Variants in BRINP2 observed in about 807,000 individuals in gnomAD.
BRINP2 encodes BMP/retinoic acid-inducible neural-specific protein 2.
A neutral mutation model predicts 69.2 loss-of-function variants in BRINP2; 21 were observed. The observed-to-expected ratio is 0.30, with a 90% CI of 0.22 to 0.44. The LOEUF (loss-of-function observed/expected upper bound fraction) is 0.44. BRINP2 is among the 20% of genes least tolerant of loss of function. The probability of loss-of-function intolerance (pLI) is 1.00; values close to 1 mark genes in which losing one functional copy is unlikely to be tolerated. For synonymous variants in BRINP2, 380 were observed against 394.1 expected, an observed-to-expected ratio of 0.96 and a Z score of 0.42; for missense variants, 877 against 986.0, an observed-to-expected ratio of 0.89 and a Z score of 1.48.
Position 177,171,144 on chromosome 1 carries a change from G to A in BRINP2, c.-665G>A, listed in dbSNP as rs1027799166. 1.3e-5 allele frequency among the ~76,000 whole-genome samples: 2 copies of A among 152,232 alleles called. No individual in the cohort carries two copies. The highest frequency in any genetic ancestry group is 2.9e-5 in the Non-Finnish European group (2 of 68,042). ...GATGTGCACCTGCCGTGCGCTCCGA[G>A]GTCAGTGGCAGGTCTGCAGGCAGCC... On this transcript the variant is annotated 5_prime_UTR_variant, in exon 1 of 8. Transcript: ENST00000361539.
intron 2 of BRINP2, among the ~76,000 whole-genome samples, chr1:177,233,179 C>T (rs527415381): frequency 2.0e-5 from 3 of 152,272 alleles, no homozygotes; most frequent in Admixed American, 1.3e-4. Context: ...TCTCTAATCA[C>T]GGACCTCCAG....
chr1:177,183,598 C>T (rs1265594045), intron 1 of BRINP2, among the ~76,000 whole-genome samples: 1 of 152,274 alleles, frequency 6.6e-6, no homozygotes. Context: ...GACACAGACA[C>T]TGTGTTTTCA....
chr1:177,228,175 C>A (rs1649758071), intron 1 of BRINP2, among the ~76,000 whole-genome samples: 2 of 152,140 alleles, frequency 1.3e-5, no homozygotes, highest in Non-Finnish European at 1.5e-5. Flanking sequence ...AAGAGCTGTC[C>A]AGCACATGGG....
chr1:177,225,861 C>A (rs761658786), intron 1 of BRINP2, among the ~76,000 whole-genome samples: 4 of 152,228 alleles, frequency 2.6e-5, no homozygotes, highest in Non-Finnish European at 4.4e-5. Context: ...TGAGAAAAAT[C>A]AGTGAAGCGG....
At chr1:177,193,896 C>G (rs1246484748) in intron 1 of BRINP2, among the ~76,000 whole-genome samples, 2 of 152,118 alleles carry the variant, frequency 1.3e-5, no homozygotes, top group African/African-American at 4.8e-5. Context: ...CAAGAGGAAA[C>G]AAAACTTCAG....
chr1:177,229,942 G>A lies in BRINP2; in HGVS notation c.66G>A (p.Leu22=), dbSNP rs569033840. The part of the protein sequence containing the change: ...LRPAVAPWTA[L]LALGLPGWVL... The stretch of plus-strand genomic sequence containing the variant: ...CGGCGGTGGCCCCATGGACAGCCCT[G>A]CTGGCACTGGGCCTGCCTGGCTGGG... Residue 22 remains leucine (L), a synonymous_variant, in exon 2 of 8, where the codon CTG becomes CTA. Coordinates refer to ENST00000361539, the MANE Select transcript of BRINP2 (RefSeq NM_021165.4). 1.9e-6 allele frequency: 3 copies of A among 1,613,342 alleles called. No homozygotes were observed. The highest frequency in any genetic ancestry group is 2.2e-5 in the South Asian group (2 of 90,970).
At chr1:177,184,928 G>A (rs1648385505) in intron 1 of BRINP2, among the ~76,000 whole-genome samples, 1 of 152,012 alleles carries the variant, frequency 6.6e-6, no homozygotes, top group South Asian at 2.1e-4. Flanking sequence ...TGCACCTGGG[G>A]AGCTTATTAA....
Position 177,280,516 on chromosome 1 carries a change from A to G in BRINP2, c.1340A>G (p.Tyr447Cys), listed in dbSNP as rs752069766. The G allele has an allele frequency of 2.3e-5, 37 of 1,614,060 alleles. No homozygotes were observed. Among genetic ancestry groups the G allele is most frequent in the African/African-American group, 4.0e-5 (3 of 74,926 alleles). The part of the protein sequence containing the change: ...LEQSHSCTCP[Y>C]DQSSCQGPIP... Reference sequence around the variant, plus strand: ...CAGAGCCACAGCTGCACCTGCCCCTATGACCAATCTTCCTGCCAGGGCCCC... The same window carrying G: ...CAGAGCCACAGCTGCACCTGCCCCTGTGACCAATCTTCCTGCCAGGGCCCC... The change falls in exon 8 of 8, where the codon TAT becomes TGT. Residue 447 changes from tyrosine to cysteine, a missense_variant. Physicochemically the swap from Tyr to Cys is radical, Grantham distance 194. This residue lies in a region of BRINP2 where 566 missense variants were observed against 625.2 expected (regional missense o/e 0.91). Coordinates refer to ENST00000361539, the MANE Select transcript of BRINP2 (RefSeq NM_021165.4).
At chr1:177,212,700 A>C (rs967701400) in intron 1 of BRINP2, among the ~76,000 whole-genome samples, 1 of 152,208 alleles carries the variant, frequency 6.6e-6, no homozygotes, top group African/African-American at 2.4e-5. Context: ...AGAAGTCTGC[A>C]CATGTTACAA....
chr1:177,277,747 G>T (rs1342097090), intron 6 of BRINP2, among the ~76,000 whole-genome samples: 1 of 152,002 alleles, frequency 6.6e-6, no homozygotes, highest in Non-Finnish European at 1.5e-5. Flanking sequence ...ATGACTTTGG[G>T]CCTTTACTAC....
chr1:177,177,578 C>T (rs1032194184), intron 1 of BRINP2, among the ~76,000 whole-genome samples: 4 of 152,106 alleles, frequency 2.6e-5, no homozygotes, highest in African/African-American at 9.7e-5. Context: ...ATAACCTGCC[C>T]CAAATTACCT....
At chr1:177,174,118 C>T (rs565642869) in intron 1 of BRINP2, among the ~76,000 whole-genome samples, 1 of 152,144 alleles carries the variant, frequency 6.6e-6, no homozygotes, top group Non-Finnish European at 1.5e-5. Context: ...ATGATTTTAG[C>T]CCCCTTCTTG....
intron 1 of BRINP2, among the ~76,000 whole-genome samples, chr1:177,176,623 A>T (rs940574634): frequency 6.6e-6 from 1 of 151,656 alleles, no homozygotes; most frequent in Non-Finnish European, 1.5e-5. Context: ...CAGAGGCATG[A>T]AATAGGAGGA....
intron 4 of BRINP2, among the ~76,000 whole-genome samples, chr1:177,269,491 A>C (rs1382768054): frequency 6.6e-6 from 1 of 152,168 alleles, no homozygotes; most frequent in Non-Finnish European, 1.5e-5. Flanking sequence ...GACTGAAGGG[A>C]GTTCACACAA....
At chr1:177,273,441 G>A in intron 4 of BRINP2, 47 bp from the exon 5 acceptor site, 2 of 1,300,678 alleles carry the variant, frequency 1.5e-6, no homozygotes, top group South Asian at 1.3e-5. Context: ...TATAAAGGGA[G>A]TCTCCACTTG....
In BRINP2 at chr1:177,281,606, A is replaced by C; in HGVS notation, c.*78A>C. Reference sequence around the variant, plus strand: ...CAAAGATAATCTAAGCCCTCACCTTAGTGCCAACAGGGTGTGCTCCCACGA... The same window carrying C: ...CAAAGATAATCTAAGCCCTCACCTTCGTGCCAACAGGGTGTGCTCCCACGA... On this transcript the variant is annotated 3_prime_UTR_variant, in exon 8 of 8. Transcript: ENST00000361539. 6.7e-7 allele frequency: 1 copy of C among 1,485,526 alleles called. No homozygotes were observed. The highest frequency in any genetic ancestry group is 1.3e-5 in the South Asian group (1 of 74,688). The allele number at this position is 1,485,526 out of a possible 1,614,324, so 92.0% of individuals were successfully genotyped here.
intron 1 of BRINP2, among the ~76,000 whole-genome samples, chr1:177,188,987 C>T (rs940918993): frequency 6.6e-6 from 1 of 152,098 alleles, no homozygotes; most frequent in African/African-American, 2.4e-5. Context: ...GGACAAGGTA[C>T]ACACTAATAG....
Position 177,270,477 on chromosome 1 carries a change from A to G in BRINP2, c.670-3011A>G, listed in dbSNP as rs573825568. On this transcript the variant is annotated intron_variant, in intron 4 of 7. Transcript: ENST00000361539. The stretch of plus-strand genomic sequence containing the variant: ...AAAATTGCATCAAAGATAGCCCAGC[A>G]TGATGAACAAGATGATGGTGGGGGG... Among the ~76,000 whole-genome samples, 7 of 150,164 alleles carry G rather than the reference A, an allele frequency of 4.7e-5. No individual in the cohort carries two copies. In the East Asian group the frequency reaches 1.4e-3, roughly 30 times the overall value.
In BRINP2 at chr1:177,276,393, A is replaced by G. The variant is rs777232983; in HGVS notation, c.971A>G (p.Gln324Arg). ...QAMEDSLLQI[Q>R]DSWATHNRQF... is the part of the protein sequence containing the mutation. ...ATGGAGGACAGCCTGCTGCAGATCC[A>G]GGACTCCTGGGCCACTCACAACCGG... The change falls in exon 6 of 8, where the codon CAG becomes CGG. Residue 324 changes from glutamine to arginine, a missense_variant. By Grantham distance (43) the Gln-to-Arg change is conservative (BLOSUM62 1). This residue lies in a region of BRINP2 where 566 missense variants were observed against 625.2 expected (regional missense o/e 0.91). Transcript: ENST00000361539. The G allele has an allele frequency of 1.4e-5, 22 of 1,614,194 alleles. No homozygotes were observed. Among genetic ancestry groups the G allele is most frequent in the Non-Finnish European group, 1.9e-5 (22 of 1,180,038 alleles).
Sources: allele counts gnomAD v4.1 joint callset (sites outside exome capture counted in the v4.1 genomes callset), GRCh38; gene constraint gnomAD v4.1.1; regional missense constraint gnomAD v4.1.1; transcripts MANE v1.5; gene names NCBI Gene and HGNC (gene_info 2026-07-23, HGNC 2026-07-21).